Variants in CEP63 observed in about 807,000 individuals in gnomAD.
The protein encoded by CEP63 is centrosomal protein of 63 kDa.
In CEP63, 84 loss-of-function variants were observed where a neutral mutation model predicts 89.1. The ratio of observed to expected loss-of-function variants is 0.94; its 90% CI spans 0.79 to 1.13. The LOEUF (loss-of-function observed/expected upper bound fraction) is 1.13, where lower values mean the gene tolerates loss of function less well. Among genes scored for constraint, CEP63 ranks in the 50% most tolerant of loss-of-function variants. CEP63 has a pLI of 0.00. For synonymous variants in CEP63, 267 were observed against 272.5 expected (o/e 0.98, Z 0.20); for missense variants, 838 against 813.3 (o/e 1.03, Z -0.37).
chr3:134,555,903 A>G (rs1956054812), intron 12 of CEP63, among the ~76,000 whole-genome samples: 2 of 152,204 alleles, frequency 1.3e-5, no homozygotes, highest in East Asian at 1.9e-4. Context: ...CCAAAACAGC[A>G]TGGTACTGGT....
intron 6 of CEP63, 88 bp downstream of exon 6, chr3:134,537,356 A>C: frequency 1.2e-6 from 1 of 826,794 alleles, no homozygotes; most frequent in East Asian, 2.6e-5. Context: ...AGTACCATTT[A>C]GCCTCTTTCA....
the CEP63 span, among the ~76,000 whole-genome samples, chr3:134,675,547 C>A: frequency 6.6e-6 from 1 of 152,188 alleles, no homozygotes; most frequent in East Asian, 1.9e-4. Context: ...TTTCTAAAAA[C>A]AAAATGTGTT....
the CEP63 span, among the ~76,000 whole-genome samples, chr3:134,667,173 A>G: frequency 6.6e-6 from 1 of 152,046 alleles, no homozygotes; most frequent in East Asian, 1.9e-4. Context: ...GCTGGCCCAG[A>G]CCTCGGCAGT....
chr3:134,604,044 T>C, the CEP63 span: 1 of 1,613,994 alleles, frequency 6.2e-7, no homozygotes, highest in Non-Finnish European at 8.5e-7. Flanking sequence ...AGCGCCGCTG[T>C]GTCTCCTCAG....
rs1275880139 is a variant in CEP63, at chr3:134,562,176, A to C, written c.*641A>C. ...GGCTGTCATGCACGGTGCCCATGGA[A>C]TATCCATTGGAAATAAATGTTCATC... On this transcript the variant is annotated 3_prime_UTR_variant, in exon 15 of 15. Coordinates refer to ENST00000675561, the MANE Select transcript of CEP63 (RefSeq NM_001353108.3). 2 of 986,356 alleles carry C rather than the reference A, an allele frequency of 2.0e-6. No homozygotes were observed. Among genetic ancestry groups the C allele is most frequent in the Non-Finnish European group, 2.4e-6 (2 of 830,582 alleles). The allele number at this position is 986,356 out of a possible 1,614,324, so 61.1% of individuals were successfully genotyped here.
At chr3:134,743,983 A>G in the CEP63 span, among the ~76,000 whole-genome samples, 1 of 152,284 alleles carries the variant, frequency 6.6e-6, no homozygotes, top group Admixed American at 6.5e-5. Flanking sequence ...TTCTTTGCAG[A>G]GTTCTGTTGG....
rs1289269920 is a variant in CEP63 at position 134,561,796 on chromosome 3, A to T, written c.*261A>T. On this transcript the variant is annotated 3_prime_UTR_variant, in exon 15 of 15. Coordinates refer to ENST00000675561, the MANE Select transcript of CEP63 (RefSeq NM_001353108.3). ...TTTTCTCATACGAATATTTATTATC[A>T]TAAAGTGATACTTACCTTGCTGACT... 32 of 1,266,318 alleles carry T rather than the reference A, an allele frequency of 2.5e-5. No homozygotes were observed. The highest frequency in any genetic ancestry group is 3.1e-5 in the Non-Finnish European group (31 of 999,088). The allele number at this position is 1,266,318 out of a possible 1,614,324, so 78.4% of individuals were successfully genotyped here.
chr3:134,610,068 T>A, the CEP63 span: 5 of 980,494 alleles, frequency 5.1e-6, no homozygotes, highest in South Asian at 6.4e-5. Flanking sequence ...CGAGGAGGAG[T>A]GGGCATGGGG....
chr3:134,545,948 T>C (rs1299628681), intron 7 of CEP63, 129 bp downstream of exon 7: 10 of 834,312 alleles, frequency 1.2e-5, no homozygotes, highest in Admixed American at 2.7e-5. Flanking sequence ...GATCAGATAT[T>C]GATAGTTTTA....
intron 3 of CEP63, among the ~76,000 whole-genome samples, chr3:134,508,995 T>C (rs1242437540): frequency 6.7e-6 from 1 of 149,582 alleles, no homozygotes; most frequent in African/African-American, 2.5e-5. Flanking sequence ...AAGGAACAAA[T>C]GTGTTTATTA....
chr3:134,723,479 A>G, the CEP63 span, among the ~76,000 whole-genome samples: 45 of 152,306 alleles, frequency 3.0e-4, no homozygotes, highest in Admixed American at 1.0e-3. Context: ...TAGTTCACCC[A>G]TGGATCCCTG....
Position 134,528,205 on chromosome 3 carries a change from A to G in CEP63, c.223-3640A>G, listed in dbSNP as rs554623661. 3.2e-3 allele frequency among the ~76,000 whole-genome samples: 491 copies of G among 152,076 alleles called. 6 individuals are homozygous for G. The highest frequency in any genetic ancestry group is 4.9e-3 in the Non-Finnish European group (333 of 67,988). On this transcript the variant is annotated intron_variant, in intron 3 of 14. Coordinates refer to ENST00000675561, the MANE Select transcript of CEP63 (RefSeq NM_001353108.3). ...ATGGTTCCCAGCTTCCTCCCCCTTC[A>G]GCCCAGCTTCTGTGTCTTCCCTCCA...
At chr3:134,668,137 T>A in the CEP63 span, among the ~76,000 whole-genome samples, 2 of 152,244 alleles carry the variant, frequency 1.3e-5, no homozygotes, top group South Asian at 4.1e-4. Context: ...CCGCCTCACA[T>A]CAGACCTCAG....
the CEP63 span, among the ~76,000 whole-genome samples, chr3:134,729,786 G>T: frequency 2.0e-5 from 3 of 152,206 alleles, no homozygotes; most frequent in Admixed American, 1.3e-4. Flanking sequence ...TAGGGTCAGA[G>T]CCCATGCTTT....
At chr3:134,718,753 C>T in the CEP63 span, among the ~76,000 whole-genome samples, 1 of 152,200 alleles carries the variant, frequency 6.6e-6, no homozygotes, top group Non-Finnish European at 1.5e-5. Flanking sequence ...TTCCAATTCC[C>T]CTCTTAATTG....
chr3:134,713,554 T>C, the CEP63 span, among the ~76,000 whole-genome samples: 96 of 152,284 alleles, frequency 6.3e-4, 1 homozygote, highest in South Asian at 1.9e-3. Context: ...GGATCCTACA[T>C]GGCATCATGG....
intron 3 of CEP63, among the ~76,000 whole-genome samples, chr3:134,516,055 G>A (rs1022421579): frequency 1.3e-5 from 2 of 152,114 alleles, no homozygotes; most frequent in African/African-American, 2.4e-5. Flanking sequence ...CCAGGGGACC[G>A]GCGTTCAGCA....
At chr3:134,520,381 A>G (rs1403261841) in intron 3 of CEP63, among the ~76,000 whole-genome samples, 1 of 152,206 alleles carries the variant, frequency 6.6e-6, no homozygotes, top group Non-Finnish European at 1.5e-5. Context: ...AGACCTCTGC[A>G]CAGAAAGCTC....
At chr3:134,529,729 ACTCCTGGGCTCAAGCCATC>A (rs1949473266) in intron 3 of CEP63, among the ~76,000 whole-genome samples, 2 of 151,032 alleles carry the variant, frequency 1.3e-5, no homozygotes, top group Non-Finnish European at 3.0e-5. Flanking sequence ...CTGGTCTTAA[ACTCCTGGGCTCAAGCCATC>A]CTCCTGCCTC....
Sources: allele counts gnomAD v4.1 joint callset (sites outside exome capture counted in the v4.1 genomes callset), GRCh38; gene constraint gnomAD v4.1.1; transcripts MANE v1.5; gene names NCBI Gene and HGNC (gene_info 2026-07-23, HGNC 2026-07-21).